The following CHD9 variants were observed in gnomAD, a reference collection of about 807,000 sequenced individuals.
CHD9 encodes ATP-dependent chromatin remodeler CHD9.
A neutral mutation model predicts 316.1 loss-of-function variants in CHD9; 77 were observed. The observed-to-expected ratio is 0.24, with a 90% CI of 0.20 to 0.29. The LOEUF (loss-of-function observed/expected upper bound fraction) is 0.29, where lower values mean the gene tolerates loss of function less well. Ranked by LOEUF, CHD9 falls within the 10% of genes least tolerant of loss-of-function variation. CHD9 has a pLI of 1.00. For synonymous variants in CHD9, 1,129 were observed against 1,158.3 expected (o/e 0.97, Z 0.51); for missense variants, 2,763 against 3,438.1 (o/e 0.80, Z 4.91).
intron 28 of CHD9, among the ~76,000 whole-genome samples, 166 bp downstream of exon 28, chr16:53,291,933 A>G (rs1288824004): frequency 6.6e-6 from 1 of 152,236 alleles, no homozygotes; most frequent in African/African-American, 2.4e-5. Flanking sequence ...GAATTTAACT[A>G]CTTTTAGTGG....
chr16:53,286,097 C>A, intron 25 of CHD9, 129 bp from the exon 26 acceptor site: 1 of 553,344 alleles, frequency 1.8e-6, no homozygotes, highest in East Asian at 2.8e-5. Context: ...ACATACTTAA[C>A]CTATATCATT....
At chr16:53,127,135 A>G (rs1227495654) in intron 1 of CHD9, among the ~76,000 whole-genome samples, 2 of 150,570 alleles carry the variant, frequency 1.3e-5, no homozygotes, top group East Asian at 3.9e-4. Flanking sequence ...TTCTCTTTCT[A>G]TTGTTTTGCA....
chr16:53,292,834 T>C lies in CHD9; in HGVS notation c.5292T>C (p.Asp1764=). The C allele has an allele frequency of 6.2e-7, 1 of 1,611,422 alleles. No individual in the cohort carries two copies. Among genetic ancestry groups the C allele is most frequent in the Non-Finnish European group, 8.5e-7 (1 of 1,177,550 alleles). ...TTACTATTACTTATTTAACTATAGA[T>C]GGTCAACTGATGGAGGGTGATAAAG... ...SPGDLVIADG[D]GQLMEGDKVY... Residue 1764 remains aspartate (D), a splice_region_variant and synonymous_variant, in exon 29 of 39, where the codon GAT becomes GAC. Coordinates refer to ENST00000447540, the MANE Select transcript of CHD9 (RefSeq NM_001308319.2).
intron 1 of CHD9, among the ~76,000 whole-genome samples, chr16:53,133,072 A>G (rs868537873): frequency 6.6e-6 from 1 of 152,150 alleles, no homozygotes; most frequent in African/African-American, 2.4e-5. Flanking sequence ...TAAACTATAG[A>G]CCATATAATG....
intron 2 of CHD9, chr16:53,168,389 A>G (rs765131375): frequency 6.6e-6 from 1 of 152,086 alleles, no homozygotes; most frequent in African/African-American, 2.4e-5. Flanking sequence ...AAGTGGTTTT[A>G]CCCACATTAT....
At chr16:53,178,427 C>CTTTTTTTTTTTTTTT (rs10569589) in intron 2 of CHD9, among the ~76,000 whole-genome samples, 1 of 98,976 alleles carries the variant, frequency 1.0e-5, no homozygotes, top group African/African-American at 3.6e-5. Context: ...TTGTTGGTTT[C>CTTTTTTTTTTTTTTT]TTTTTTTTTT....
At chr16:53,184,891 G>A (rs2043852338) in intron 2 of CHD9, among the ~76,000 whole-genome samples, 1 of 152,080 alleles carries the variant, frequency 6.6e-6, no homozygotes, top group Non-Finnish European at 1.5e-5. Flanking sequence ...TTGCTTGGCT[G>A]TCATTTTCTC....
Position 53,245,218 on chromosome 16 carries a change from T to G in CHD9, c.3055-118T>G. 1.5e-6 allele frequency: 1 copy of G among 660,898 alleles called. No individual in the cohort carries two copies. The highest frequency in any genetic ancestry group is 2.4e-6 in the Non-Finnish European group (1 of 420,138). 40.9% of individuals were successfully genotyped at this position (660,898 alleles called of 1,614,324 possible). A position where few individuals can be genotyped will look rare whatever the true frequency, so the allele number is the denominator to read the frequency against. The stretch of plus-strand genomic sequence containing the variant: ...TATACACACACACACACATAACATA[T>G]ATATATGTATATATAGTCAGAAAAA... On this transcript the variant is annotated intron_variant, in intron 13 of 38. Coordinates refer to ENST00000447540, the MANE Select transcript of CHD9 (RefSeq NM_001308319.2). This position sits in a 1 kb window ranked among gnomAD's most constrained non-coding sequence, Gnocchi z 4.1.
rs555490675 is a variant in CHD9, at chr16:53,150,966, G to A, written c.-164-4960G>A. On this transcript the variant is annotated intron_variant, in intron 1 of 38. Transcript: ENST00000447540. ...TGTGATCTCTTAGAATTTATCCTCC[G>A]CGGAGTTTGGTGAGCTTCTTGGATA... 7.9e-5 allele frequency among the ~76,000 whole-genome samples: 12 copies of A among 152,012 alleles called. No homozygotes were observed. In the South Asian group the frequency reaches 1.2e-3, roughly 16 times the overall value.
At position 53,231,456 on chromosome 16, in the gene CHD9, T is replaced by C. The variant is rs180912351; in HGVS notation, c.2324T>C (p.Val775Ala). ...EEPFNPDYVE[V>A]DRVLEVSFCE... is the part of the protein sequence containing the mutation. ...CCATTTAACCCAGACTACGTTGAAG[T>C]AGACAGAGTATTAGAAGTCTCTTTT... Residue 775 changes from valine to alanine, a missense_variant, in exon 9 of 39, where the codon GTA becomes GCA. Val to Ala is a moderately conservative substitution (Grantham distance 64). This residue lies in a region of CHD9 where 186 missense variants were observed against 245.0 expected (regional missense o/e 0.76). Transcript: ENST00000447540. 2 of 1,602,042 alleles carry C rather than the reference T, an allele frequency of 1.2e-6. No individual in the cohort carries two copies. The highest frequency in any genetic ancestry group is 2.2e-5 in the East Asian group (1 of 44,680).
chr16:53,095,764 C>T (rs2036325471), intron 1 of CHD9, among the ~76,000 whole-genome samples: 1 of 152,124 alleles, frequency 6.6e-6, no homozygotes, highest in Non-Finnish European at 1.5e-5. Context: ...TGGGTTGTTA[C>T]CAGCTTTCCA....
At chr16:53,164,648 G>C (rs577290386) in intron 2 of CHD9, among the ~76,000 whole-genome samples, 4 of 151,680 alleles carry the variant, frequency 2.6e-5, no homozygotes, top group East Asian at 1.9e-4. Context: ...TTTTTGGAGG[G>C]GGGGGTTTGT....
Position 53,209,389 on chromosome 16 carries a change from T to C in CHD9, c.1453-93T>C. On this transcript the variant is annotated intron_variant, in intron 2 of 38. Transcript: ENST00000447540. ...ACATATTTGCTAATGTAATTTTACC[T>C]CTCTAAACATAATTTAAGATTTTCA... 6 of 904,218 alleles carry C rather than the reference T, an allele frequency of 6.6e-6. No homozygotes were observed. The Admixed American group carries it at 1.2e-4, about 18-fold the overall frequency. The allele number at this position is 904,218 out of a possible 1,614,324, so 56.0% of individuals were successfully genotyped here.
chr16:53,262,531 C>G (rs1338310875), intron 19 of CHD9, among the ~76,000 whole-genome samples: 2 of 151,922 alleles, frequency 1.3e-5, no homozygotes, highest in East Asian at 3.9e-4. Context: ...CCTTTATTTC[C>G]CATATCCTGT....
At chr16:53,112,510 T>C (rs1451646384) in intron 1 of CHD9, among the ~76,000 whole-genome samples, 6 of 152,350 alleles carry the variant, frequency 3.9e-5, no homozygotes, top group Non-Finnish European at 7.3e-5. Context: ...GTGGTAGATA[T>C]ATGCCAAGCA....
rs1177587643 is a variant in CHD9, at chr16:53,238,591, GTTA to G, written c.2877+8_2877+10del. 10 of 1,610,624 alleles carry G rather than the reference GTTA, an allele frequency of 6.2e-6. No homozygotes were observed. The highest frequency in any genetic ancestry group is 8.5e-6 in the Non-Finnish European group (10 of 1,177,564). ...ATGTACTTCAGGGATTCACAGGTGTGTTATTGATTATTTTGTTTGTTGTTTGAA... is the reference window on the plus strand; with the variant it reads ...ATGTACTTCAGGGATTCACAGGTGTGTTGATTATTTTGTTTGTTGTTTGAA... On this transcript the variant is annotated splice_donor_region_variant and intron_variant, in intron 12 of 38. Coordinates refer to ENST00000447540, the MANE Select transcript of CHD9 (RefSeq NM_001308319.2).
intron 24 of CHD9, among the ~76,000 whole-genome samples, chr16:53,284,957 G>A (rs944615813): frequency 3.9e-5 from 6 of 152,034 alleles, no homozygotes; most frequent in African/African-American, 9.7e-5. Flanking sequence ...AGTGGAGATG[G>A]GGTTTTGCCA....
At chr16:53,185,247 A>G (rs931694642) in intron 2 of CHD9, among the ~76,000 whole-genome samples, 2 of 152,234 alleles carry the variant, frequency 1.3e-5, no homozygotes, top group Non-Finnish European at 2.9e-5. Context: ...GGCTTTGACC[A>G]AAATGCTGAT....
intron 1 of CHD9, among the ~76,000 whole-genome samples, chr16:53,132,105 TG>T (rs141834170): frequency 0.28 from 41,681 of 151,120 alleles, 5,785 homozygotes; most frequent in Middle Eastern, 0.29. Flanking sequence ...AAATTTTTTT[TG>T]GGGGGGGTGG....
Sources: gnomAD v4.1 joint callset for allele counts (sites outside exome capture counted in the v4.1 genomes callset) on GRCh38, gnomAD v4.1.1 for gene constraint, gnomAD v4.1.1 regional missense constraint, Gnocchi (gnomAD v3.1) non-coding constraint, MANE v1.5 for transcripts, NCBI Gene and HGNC (gene_info 2026-07-23, HGNC 2026-07-21) for gene names.